The following RPS6KC1 variants were observed in gnomAD, a reference collection of about 807,000 sequenced individuals.
The protein encoded by RPS6KC1 is ribosomal protein S6 kinase C1.
In RPS6KC1, 54 loss-of-function variants were observed where a neutral mutation model predicts 103.8. The observed-to-expected ratio is 0.52, with a 90% CI of 0.42 to 0.65. RPS6KC1 has a LOEUF of 0.65. Among genes scored for constraint, RPS6KC1 ranks in the 30% least tolerant of loss-of-function variants. RPS6KC1 has a pLI of 0.00. For synonymous variants in RPS6KC1, 439 were observed against 438.7 expected (o/e 1.00, Z -0.01); for missense variants, 1,151 against 1,253.8 (o/e 0.92, Z 1.24).
the RPS6KC1 span, among the ~76,000 whole-genome samples, chr1:213,513,504 A>C: frequency 1.3e-5 from 2 of 152,182 alleles, no homozygotes; most frequent in Non-Finnish European, 2.9e-5. Context: ...TTAGGGTGGC[A>C]AAAAATAGGC....
chr1:213,122,068 G>A (rs1033103971), intron 5 of RPS6KC1, among the ~76,000 whole-genome samples: 2 of 152,066 alleles, frequency 1.3e-5, no homozygotes, highest in African/African-American at 4.8e-5. Context: ...AGCATCTATT[G>A]CTCGTCTTTG....
chr1:213,737,191 T>C, the RPS6KC1 span, among the ~76,000 whole-genome samples: 3 of 152,340 alleles, frequency 2.0e-5, no homozygotes, highest in Admixed American at 2.0e-4. Flanking sequence ...CCTCTTGACA[T>C]GTAAGTCAGA....
At chr1:213,260,870 T>G (rs1478865714) in intron 12 of RPS6KC1, among the ~76,000 whole-genome samples, 1 of 151,960 alleles carries the variant, frequency 6.6e-6, no homozygotes, top group Non-Finnish European at 1.5e-5. Flanking sequence ...TGGCGAGAGA[T>G]AGGGATAACA....
chr1:213,095,945 TTAAAA>T (rs1443310637), intron 3 of RPS6KC1, among the ~76,000 whole-genome samples: 2 of 152,240 alleles, frequency 1.3e-5, no homozygotes, highest in African/African-American at 2.4e-5. Flanking sequence ...TGGCAATTTC[TTAAAA>T]TAAGACAACG....
At chr1:213,411,942 A>G in the RPS6KC1 span, among the ~76,000 whole-genome samples, 4 of 152,136 alleles carry the variant, frequency 2.6e-5, no homozygotes, top group Non-Finnish European at 5.9e-5. Context: ...TGAGTTGGTT[A>G]TGCTGCAGAT....
rs533336179 is a variant in RPS6KC1 at position 213,273,963 on chromosome 1, A to G, written c.*1329A>G. ...GAGATCTGTGTGAGAGCCCAACCCC[A>G]CTCCAGGAGCATCTGTACAGCTTCC... On this transcript the variant is annotated 3_prime_UTR_variant, in exon 15 of 15. Coordinates refer to ENST00000366960, the MANE Select transcript of RPS6KC1 (RefSeq NM_012424.6). The G allele has an allele frequency of 6.6e-6, 1 of 152,002 alleles. No homozygotes were observed. Among genetic ancestry groups the G allele is most frequent in the Non-Finnish European group, 1.5e-5 (1 of 67,958 alleles). The allele number at this position is 152,002 out of a possible 1,614,324, so 9.4% of individuals were successfully genotyped here.
At chr1:213,560,844 A>T in the RPS6KC1 span, among the ~76,000 whole-genome samples, 2 of 152,078 alleles carry the variant, frequency 1.3e-5, no homozygotes, top group Admixed American at 6.5e-5. Flanking sequence ...AGCTTGGGTA[A>T]CTCACCCTTT....
chr1:213,051,412 CT>C lies in RPS6KC1; in HGVS notation c.10del (p.Tyr4ThrfsTer45). 5 of 1,612,512 alleles carry C rather than the reference CT, an allele frequency of 3.1e-6. No homozygotes were observed. In the South Asian group the frequency reaches 5.5e-5, roughly 18 times the overall value. Reference protein sequence around the residue: MTSYRERSADLAR... With the variant: MTXYRERSADLAR... ...GGCAGAGGCGGCGGGAGGATGACCT[CT>C]TACCGGGAGCGGAGTGCCGACCTGG... On this transcript the variant is annotated frameshift_variant, in exon 1 of 15. Transcript: ENST00000366960. LOFTEE classifies it high-confidence loss of function.
the RPS6KC1 span, among the ~76,000 whole-genome samples, chr1:213,569,813 T>C: frequency 2.0e-5 from 3 of 152,278 alleles, no homozygotes; most frequent in Non-Finnish European, 4.4e-5. Context: ...AAACAGGTAT[T>C]GAGAAACTCG....
the RPS6KC1 span, among the ~76,000 whole-genome samples, chr1:213,827,522 G>T: frequency 6.6e-6 from 1 of 152,022 alleles, no homozygotes; most frequent in Non-Finnish European, 1.5e-5. Flanking sequence ...CTGCTTTCTA[G>T]AACTGTGATT....
chr1:213,146,447 G>C (rs2087841152), intron 6 of RPS6KC1, among the ~76,000 whole-genome samples: 1 of 146,542 alleles, frequency 6.8e-6, no homozygotes, highest in Non-Finnish European at 1.5e-5. Flanking sequence ...TTTTGAGACA[G>C]AGTCTTGCTT....
At chr1:213,144,717 C>T (rs1311290564) in intron 6 of RPS6KC1, among the ~76,000 whole-genome samples, 1 of 151,982 alleles carries the variant, frequency 6.6e-6, no homozygotes, top group African/African-American at 2.4e-5. Context: ...TCTACAACAG[C>T]AGTGTACAAT....
chr1:213,781,312 G>C, the RPS6KC1 span, among the ~76,000 whole-genome samples: 4 of 152,170 alleles, frequency 2.6e-5, no homozygotes, highest in Admixed American at 1.3e-4. Flanking sequence ...GAAGCCTTCA[G>C]AGGGAGCTCA....
chr1:213,089,899 G>C (rs2080812171), intron 3 of RPS6KC1, among the ~76,000 whole-genome samples: 1 of 152,156 alleles, frequency 6.6e-6, no homozygotes, highest in Non-Finnish European at 1.5e-5. Context: ...ACATTCATAA[G>C]ACTGAAACAG....
At chr1:213,348,925 A>G in the RPS6KC1 span, among the ~76,000 whole-genome samples, 1 of 152,306 alleles carries the variant, frequency 6.6e-6, no homozygotes, top group East Asian at 1.9e-4. Context: ...AATTGAATGA[A>G]TGGGTGAATG....
chr1:213,157,957 A>G (rs1381919547), intron 6 of RPS6KC1, among the ~76,000 whole-genome samples: 1 of 152,064 alleles, frequency 6.6e-6, no homozygotes, highest in South Asian at 2.1e-4. Flanking sequence ...CTTAGAATAG[A>G]TTTTGTCAGA....
the RPS6KC1 span, among the ~76,000 whole-genome samples, chr1:213,491,351 C>T: frequency 6.6e-6 from 1 of 152,094 alleles, no homozygotes; most frequent in Non-Finnish European, 1.5e-5. Context: ...AGTTCAAGAC[C>T]AGCCTGGCCA....
chr1:213,590,457 T>C, the RPS6KC1 span, among the ~76,000 whole-genome samples: 1 of 152,018 alleles, frequency 6.6e-6, no homozygotes, highest in South Asian at 2.1e-4. Flanking sequence ...ATGGAGAGAT[T>C]TTTGGGATCA....
the RPS6KC1 span, among the ~76,000 whole-genome samples, chr1:213,428,496 T>C: frequency 1.5e-5 from 1 of 66,576 alleles, no homozygotes; most frequent in African/African-American, 5.3e-5. Flanking sequence ...CTTCCTTCCT[T>C]CCTTCCTTCC....
Sources: gnomAD v4.1 joint callset for allele counts (sites outside exome capture counted in the v4.1 genomes callset) on GRCh38, gnomAD v4.1.1 for gene constraint, MANE v1.5 for transcripts, NCBI Gene and HGNC (gene_info 2026-07-23, HGNC 2026-07-21) for gene names.